The following POMT2 variants were observed in gnomAD, a reference collection of about 807,000 sequenced individuals.
The protein encoded by POMT2 is protein O-mannosyltransferase 2, also known as protein O-mannosyl-transferase 2.
Under a neutral mutation model 100.0 loss-of-function variants are expected in POMT2, and 75 were observed. That is an observed-to-expected ratio of 0.75 (90% CI 0.62 to 0.91). The LOEUF (loss-of-function observed/expected upper bound fraction) is 0.91, where lower values mean the gene tolerates loss of function less well. POMT2 is among the 40% of genes least tolerant of loss of function. The probability of loss-of-function intolerance (pLI) is 0.00; values close to 1 mark genes in which losing one functional copy is unlikely to be tolerated. For missense variants in POMT2, 940 were observed against 955.1 expected (o/e 0.98, Z 0.21); for synonymous variants, 378 against 374.1 (o/e 1.01, Z -0.12).
intron 1 of POMT2, among the ~76,000 whole-genome samples, chr14:77,315,753 T>C (rs1891599897): frequency 6.6e-6 from 1 of 152,258 alleles, no homozygotes; most frequent in Non-Finnish European, 1.5e-5. Context: ...GGCTCATGCC[T>C]GTAATCCCAA....
chr14:77,302,852 G>T lies in POMT2; in HGVS notation c.639C>A (p.Tyr213Ter), dbSNP rs764878423. 2.5e-6 allele frequency: 4 copies of T among 1,612,484 alleles called. No homozygotes were observed. The highest frequency in any genetic ancestry group is 2.7e-5 in the African/African-American group (2 of 74,870). ...IMAAMLSMVK[Y>*]NSCADRPFSA... is the part of the protein sequence containing the mutation. ...TTTCTGACCTGTCGGCGCAAGAGTT[G>T]TACTTGACCATGCTCAGCATGGCAG... Residue 213 changes from tyrosine (Y) to a stop codon, truncating the protein, a stop_gained, in exon 5 of 21, where the codon TAC becomes TAA. Transcript: ENST00000261534. LOFTEE classifies it high-confidence loss of function.
intron 8 of POMT2, among the ~76,000 whole-genome samples, chr14:77,296,672 T>A (rs1169504240): frequency 6.6e-6 from 1 of 152,262 alleles, no homozygotes; most frequent in Non-Finnish European, 1.5e-5. Context: ...TTTTTCACTC[T>A]ATATCCTTTC....
At chr14:77,298,893 G>A (rs1170347126) in intron 7 of POMT2, 122 bp from the exon 8 acceptor site, 1 of 964,102 alleles carries the variant, frequency 1.0e-6, no homozygotes, top group Admixed American at 2.0e-5. Flanking sequence ...TCATGGGACA[G>A]AGGTGGGTGA....
At position 77,302,926 on chromosome 14, in the gene POMT2, G is replaced by C. The variant is rs1429429448; in HGVS notation, c.565C>G (p.Leu189Val). The C allele has an allele frequency of 1.9e-6, 3 of 1,613,010 alleles. No individual in the cohort carries two copies. Among genetic ancestry groups the C allele is most frequent in the Non-Finnish European group, 2.5e-6 (3 of 1,179,222 alleles). ...LLTFDTGCLT[L>V]SQYILLDPIL... Reference sequence around the variant, plus strand: ...GGGTCAAGGAGGATGTACTGGGACAGAGTGAGGCATCCCGTGTCTGAAAAA... The same window carrying C: ...GGGTCAAGGAGGATGTACTGGGACACAGTGAGGCATCCCGTGTCTGAAAAA... Residue 189 changes from leucine to valine, a missense_variant, in exon 5 of 21, where the codon CTG becomes GTG. Coordinates refer to ENST00000261534, the MANE Select transcript of POMT2 (RefSeq NM_013382.7).
chr14:77,288,697 C>A, intron 11 of POMT2, 65 bp downstream of exon 11: 1 of 1,430,002 alleles, frequency 7.0e-7, no homozygotes, highest in Non-Finnish European at 9.8e-7. Flanking sequence ...CTGTTTACTT[C>A]TTAAAATAAC....
At chr14:77,309,856 T>A (rs1315955372) in intron 2 of POMT2, among the ~76,000 whole-genome samples, 1 of 152,098 alleles carries the variant, frequency 6.6e-6, no homozygotes. Flanking sequence ...CTAATTTTTG[T>A]ATTTTTACGT....
In POMT2 at chr14:77,278,447, C is replaced by G; in HGVS notation, c.2094G>C (p.Ala698=). 6.6e-7 allele frequency: 1 copy of G among 1,504,360 alleles called. No homozygotes were observed. The highest frequency in any genetic ancestry group is 9.1e-7 in the Non-Finnish European group (1 of 1,104,030). 93.2% of individuals were successfully genotyped at this position (1,504,360 alleles called of 1,614,324 possible). Residue 698 remains alanine (A), a synonymous_variant, in exon 20 of 21, where the codon GCG becomes GCC. Transcript: ENST00000261534. The part of the protein sequence containing the change: ...CAWGLASWPL[A]RGIHVAGILS... Reference sequence around the variant, plus strand: ...GGATTCCCGCCACATGTATGCCCCTCGCCAGGGGCCATGAGGCCAAGCCCC... The same window carrying G: ...GGATTCCCGCCACATGTATGCCCCTGGCCAGGGGCCATGAGGCCAAGCCCC...
At chr14:77,277,526 T>C (rs1890016738) in intron 20 of POMT2, 45 bp from the exon 21 acceptor site, 1 of 1,407,774 alleles carries the variant, frequency 7.1e-7, no homozygotes, top group African/African-American at 1.4e-5. Context: ...CCCCAGTGCC[T>C]CAGCTGAGGG....
At chr14:77,295,337 A>G (rs1490286560) in intron 9 of POMT2, among the ~76,000 whole-genome samples, 1 of 152,132 alleles carries the variant, frequency 6.6e-6, no homozygotes, top group Non-Finnish European at 1.5e-5. Context: ...CCCCAACTTA[A>G]AGAGGAGGAT....
At chr14:77,315,155 A>G (rs1891580225) in intron 1 of POMT2, among the ~76,000 whole-genome samples, 1 of 152,192 alleles carries the variant, frequency 6.6e-6, no homozygotes, top group African/African-American at 2.4e-5. Flanking sequence ...CATGGGGGGA[A>G]GGATGTACTA....
At chr14:77,285,738 A>C in intron 12 of POMT2, 106 bp from the exon 13 acceptor site, 1 of 1,339,988 alleles carries the variant, frequency 7.5e-7, no homozygotes, top group Non-Finnish European at 1.1e-6. Flanking sequence ...TATGAAGGTC[A>C]AAGACCAAAT....
At chr14:77,317,105 G>T (rs552230779) in intron 1 of POMT2, among the ~76,000 whole-genome samples, 1 of 152,092 alleles carries the variant, frequency 6.6e-6, no homozygotes, top group African/African-American at 2.4e-5. Context: ...TAGGCACAAC[G>T]TAAGGGACTA....
chr14:77,301,283 G>A, intron 5 of POMT2, 34 bp from the exon 6 acceptor site: 1 of 1,613,454 alleles, frequency 6.2e-7, no homozygotes, highest in Non-Finnish European at 8.5e-7. Context: ...CAATTTGGCA[G>A]CTGGAACCAA....
In POMT2 at chr14:77,275,160, C is replaced by T. The variant is rs1889889226; in HGVS notation, c.*2216G>A. On this transcript the variant is annotated 3_prime_UTR_variant, in exon 21 of 21. Coordinates refer to ENST00000261534, the MANE Select transcript of POMT2 (RefSeq NM_013382.7). ...ATATTCATAGAAGCACCCTGACAGC[C>T]CTTCTCCAGCAACTTCCAGAAAACA... is the stretch of plus-strand genomic sequence containing the variant. 6.6e-6 allele frequency: 1 copy of T among 152,260 alleles called. No individual in the cohort carries two copies. The highest frequency in any genetic ancestry group is 1.5e-5 in the Non-Finnish European group (1 of 68,068). 9.4% of individuals were successfully genotyped at this position (152,260 alleles called of 1,614,324 possible).
chr14:77,288,880 G>A, intron 10 of POMT2, 49 bp from the exon 11 acceptor site: 1 of 1,501,538 alleles, frequency 6.7e-7, no homozygotes. Flanking sequence ...CACCAGGCTA[G>A]TATTAATCAA....
chr14:77,300,755 A>G (rs1594795968), intron 6 of POMT2: 1 of 312,496 alleles, frequency 3.2e-6, no homozygotes, highest in Non-Finnish European at 6.2e-6. Flanking sequence ...AGGAGGCGGA[A>G]GTTGCAGTGA....
chr14:77,289,181 A>G (rs1259801667), intron 10 of POMT2, among the ~76,000 whole-genome samples: 1 of 151,944 alleles, frequency 6.6e-6, no homozygotes, highest in African/African-American at 2.4e-5. Flanking sequence ...ACCTGAGGCC[A>G]GGAATTCGAG....
intron 3 of POMT2, among the ~76,000 whole-genome samples, chr14:77,305,886 T>C (rs9944158): frequency 0.029 from 4,371 of 152,262 alleles, 220 homozygotes; most frequent in African/African-American, 0.1. Flanking sequence ...CACAGGAACA[T>C]GGTGACAGGG....
intron 1 of POMT2, among the ~76,000 whole-genome samples, chr14:77,320,015 T>C (rs943004097): frequency 2.0e-5 from 3 of 152,148 alleles, no homozygotes; most frequent in Non-Finnish European, 2.9e-5. Context: ...CCTTGCCCTA[T>C]AGGATAAAGG....
Sources: allele counts gnomAD v4.1 joint callset (sites outside exome capture counted in the v4.1 genomes callset), GRCh38; gene constraint gnomAD v4.1.1; transcripts MANE v1.5; gene names NCBI Gene and HGNC (gene_info 2026-07-23, HGNC 2026-07-21).